The following DYNC2I1 variants were observed in gnomAD, a reference collection of about 807,000 sequenced individuals.
The protein encoded by DYNC2I1 is dynein 2 intermediate chain 1, also known as cytoplasmic dynein 2 intermediate chain 1.
Under a neutral mutation model 133.4 loss-of-function variants are expected in DYNC2I1, and 89 were observed. That is an observed-to-expected ratio of 0.67 (90% CI 0.56 to 0.80). The LOEUF (loss-of-function observed/expected upper bound fraction) is 0.80. Among genes scored for constraint, DYNC2I1 ranks in the 30% least tolerant of loss-of-function variants. DYNC2I1 has a pLI of 0.00. For synonymous variants in DYNC2I1, 504 were observed against 484.3 expected (o/e 1.04, Z -0.54); for missense variants, 1,291 against 1,314.5 (o/e 0.98, Z 0.28).
rs1848718744 is a variant in DYNC2I1, at chr7:158,918,662, A to G, written c.1792-78A>G. On this transcript the variant is annotated intron_variant, in intron 14 of 24. Transcript: ENST00000407559. Reference sequence around the variant, plus strand: ...GCAGTTATTTGCAGATATGGATAAGATGAAAAGGTAATTTTTTTTTGGAAA... The same window carrying G: ...GCAGTTATTTGCAGATATGGATAAGGTGAAAAGGTAATTTTTTTTTGGAAA... 7 of 1,556,472 alleles carry G rather than the reference A, an allele frequency of 4.5e-6. No homozygotes were observed. In the Admixed American group the frequency reaches 1.0e-4, roughly 23 times the overall value.
At chr7:158,873,246 C>T (rs1056117938) in intron 3 of DYNC2I1, among the ~76,000 whole-genome samples, 8 of 152,034 alleles carry the variant, frequency 5.3e-5, no homozygotes, top group Non-Finnish European at 7.4e-5. Flanking sequence ...ATGCTTCTTA[C>T]AAAAATGTAA....
intron 8 of DYNC2I1, among the ~76,000 whole-genome samples, chr7:158,893,195 A>G (rs927673612): frequency 1.3e-5 from 2 of 152,108 alleles, no homozygotes; most frequent in Non-Finnish European, 2.9e-5. Context: ...CATCATGCAG[A>G]GTGGTTTCAC....
intron 14 of DYNC2I1, among the ~76,000 whole-genome samples, chr7:158,915,043 A>C (rs1417227056): frequency 6.6e-6 from 1 of 152,082 alleles, no homozygotes; most frequent in Non-Finnish European, 1.5e-5. Context: ...ACGTTGTGAA[A>C]CCTCAACACG....
intron 1 of DYNC2I1, among the ~76,000 whole-genome samples, chr7:158,860,528 C>T (rs1236223138): frequency 6.6e-6 from 1 of 152,148 alleles, no homozygotes; most frequent in African/African-American, 2.4e-5. Flanking sequence ...TTAATGGTAC[C>T]TTTGCAGGCT....
At chr7:158,951,709 C>G (rs1452946887) in intron 4 of DYNC2I1, among the ~76,000 whole-genome samples, 2 of 152,226 alleles carry the variant, frequency 1.3e-5, no homozygotes, top group African/African-American at 4.8e-5. Context: ...ACCCCTCTAA[C>G]TCCCTCTGGG....
intron 1 of DYNC2I1, among the ~76,000 whole-genome samples, chr7:158,862,491 A>G (rs1448724370): frequency 7.1e-6 from 1 of 140,972 alleles, no homozygotes; most frequent in African/African-American, 2.6e-5. Context: ...TTTGGGAGGG[A>G]GGATTGTTTG....
intron 10 of DYNC2I1, chr7:158,903,745 C>T (rs1287191064): frequency 4.6e-5 from 7 of 152,250 alleles, no homozygotes; most frequent in Non-Finnish European, 8.8e-5. Flanking sequence ...ACAGGATTTC[C>T]TGACAGCATT....
chr7:158,895,422 T>C (rs1003117681), intron 8 of DYNC2I1, among the ~76,000 whole-genome samples: 3 of 152,226 alleles, frequency 2.0e-5, no homozygotes, highest in Non-Finnish European at 2.9e-5. Flanking sequence ...GTATTGCCAT[T>C]GCTCCCTTTT....
intron 23 of DYNC2I1, 43 bp from the exon 24 acceptor site, chr7:158,941,882 G>T: frequency 1.3e-6 from 2 of 1,552,402 alleles, no homozygotes; most frequent in Non-Finnish European, 8.7e-7. Context: ...GTCTCAAAAA[G>T]AAAAAGGCCA....
chr7:158,864,327 A>G (rs897075365), intron 1 of DYNC2I1, among the ~76,000 whole-genome samples: 2 of 152,092 alleles, frequency 1.3e-5, no homozygotes, highest in Non-Finnish European at 2.9e-5. Context: ...TGAATGTCAC[A>G]GGGTTGGGCC....
Position 158,906,070 on chromosome 7 carries a change from G to T in DYNC2I1, c.1439G>T (p.Arg480Leu). 1 of 1,613,534 alleles carries T rather than the reference G, an allele frequency of 6.2e-7. No homozygotes were observed. Among genetic ancestry groups the T allele is most frequent in the Non-Finnish European group, 8.5e-7 (1 of 1,179,680 alleles). ...FASASHRQKS[R>L]TQALKQKMRS... ...TCAGCTTCACACCGTCAAAAGAGTC[G>T]GACTCAGGCCCTTAAGCAAAAGTAG... Residue 480 changes from arginine to leucine, a missense_variant, in exon 11 of 25, where the codon CGG becomes CTG. Physicochemically the swap from Arg to Leu is moderately radical, Grantham distance 102 (BLOSUM62 -2). Transcript: ENST00000407559.
intron 8 of DYNC2I1, among the ~76,000 whole-genome samples, chr7:158,895,080 T>A (rs1845638210): frequency 6.6e-6 from 1 of 152,248 alleles, no homozygotes; most frequent in African/African-American, 2.4e-5. Context: ...CTTTTGCAAA[T>A]ATTTTCTCTC....
At chr7:158,902,665 T>C in intron 10 of DYNC2I1, 70 bp downstream of exon 10, 1 of 1,386,212 alleles carries the variant, frequency 7.2e-7, no homozygotes, top group Non-Finnish European at 1.0e-6. Flanking sequence ...TCACAGATGC[T>C]GTCACACACA....
chr7:158,841,953 G>A, the DYNC2I1 span, among the ~76,000 whole-genome samples: 6 of 152,202 alleles, frequency 3.9e-5, no homozygotes, highest in Non-Finnish European at 4.4e-5. Flanking sequence ...AGCTCAGGAT[G>A]CGGATCTTAA....
At chr7:158,916,141 C>T (rs1249916688) in intron 14 of DYNC2I1, among the ~76,000 whole-genome samples, 2 of 83,580 alleles carry the variant, frequency 2.4e-5, no homozygotes, top group Admixed American at 1.2e-4. Context: ...GAAACGTCGA[C>T]ATGGTGGTTG....
intron 8 of DYNC2I1, among the ~76,000 whole-genome samples, chr7:158,895,138 G>A (rs1455339252): frequency 6.6e-6 from 1 of 152,184 alleles, no homozygotes; most frequent in Non-Finnish European, 1.5e-5. Context: ...CAGAACAGAA[G>A]TTTTTAATTT....
chr7:158,957,249 G>A (rs1852220943), downstream of DYNC2I1, among the ~76,000 whole-genome samples: 1 of 152,154 alleles, frequency 6.6e-6, no homozygotes, highest in Non-Finnish European at 1.5e-5. Flanking sequence ...ATTTTGGAGG[G>A]CGCCTTCCTT....
intron 4 of DYNC2I1, among the ~76,000 whole-genome samples, chr7:158,955,292 T>C (rs914589652): frequency 1.3e-5 from 2 of 152,148 alleles, no homozygotes. Flanking sequence ...CTGTTTCTCC[T>C]CCAGTGCTGA....
intron 1 of DYNC2I1, among the ~76,000 whole-genome samples, chr7:158,858,544 A>G (rs990944797): frequency 1.3e-5 from 2 of 152,246 alleles, no homozygotes; most frequent in Admixed American, 6.5e-5. Context: ...AAAAAAGAAC[A>G]TAAGCTGTTT....
Sources: gnomAD v4.1 joint callset for allele counts (sites outside exome capture counted in the v4.1 genomes callset) on GRCh38, gnomAD v4.1.1 for gene constraint, MANE v1.5 for transcripts, NCBI Gene and HGNC (gene_info 2026-07-23, HGNC 2026-07-21) for gene names.